Variants in EDRF1 observed in about 807,000 individuals in gnomAD.
The protein encoded by EDRF1 is erythroid differentiation regulatory factor 1, also known as erythroid differentiation-related factor 1.
Under a neutral mutation model 148.7 loss-of-function variants are expected in EDRF1, and 69 were observed. The observed-to-expected ratio is 0.46, with a 90% CI of 0.38 to 0.57. EDRF1 has a LOEUF of 0.57. Ranked by LOEUF, EDRF1 falls within the 20% of genes least tolerant of loss-of-function variation. EDRF1 has a pLI of 0.00. For missense variants in EDRF1, 1,118 were observed against 1,478.7 expected (o/e 0.76, Z 4.00); for synonymous variants, 515 against 532.8 (o/e 0.97, Z 0.46).
intron 23 of EDRF1, among the ~76,000 whole-genome samples, chr10:125,753,330 G>A (rs1339877058): frequency 1.3e-5 from 2 of 152,148 alleles, no homozygotes; most frequent in Non-Finnish European, 2.9e-5. Flanking sequence ...CGTTTTCTGG[G>A]CATTCCGGCA....
At position 125,738,395 on chromosome 10, in the gene EDRF1, G is replaced by C. The variant is rs1240726907; in HGVS notation, c.1931G>C (p.Arg644Thr). ...IPLKYEDESS[R>T]GGPEGLEKQM... ...TTAAAATATGAAGATGAATCCTCAA[G>C]AGGGGGTCCCGAGGGGCTAGAGAAG... Residue 644 changes from arginine to threonine, a missense_variant, in exon 15 of 25, where the codon AGA (arginine) becomes ACA (threonine). Around this residue, in one of 3 missense-constraint regions of EDRF1, gnomAD observed 954 missense variants for 1,241.4 expected, o/e 0.77. Transcript: ENST00000356792. The C allele has an allele frequency of 6.2e-7, 1 of 1,614,050 alleles. No homozygotes were observed. Among genetic ancestry groups the C allele is most frequent in the Non-Finnish European group, 8.5e-7 (1 of 1,180,016 alleles).
intron 18 of EDRF1, chr10:125,745,449 C>G: frequency 2.0e-6 from 1 of 511,824 alleles, no homozygotes; most frequent in Non-Finnish European, 3.5e-6. Flanking sequence ...ATCTTAATTA[C>G]GTCTTTAAAG....
At chr10:125,724,633 G>C (rs1238713241) in intron 4 of EDRF1, among the ~76,000 whole-genome samples, 1 of 152,194 alleles carries the variant, frequency 6.6e-6, no homozygotes, top group Non-Finnish European at 1.5e-5. Context: ...CATGGCTGTA[G>C]TTATTAGAAT....
intron 17 of EDRF1, chr10:125,742,106 G>A: frequency 1.4e-6 from 1 of 708,970 alleles, no homozygotes; most frequent in Non-Finnish European, 2.1e-6. Context: ...GGTGAAGGAG[G>A]TTAATTAACC....
intron 18 of EDRF1, among the ~76,000 whole-genome samples, chr10:125,744,382 C>T (rs995287491): frequency 7.2e-5 from 11 of 152,266 alleles, no homozygotes; most frequent in Non-Finnish European, 1.2e-4. Context: ...TGAAGTCTTG[C>T]TGGGTTGCCC....
intron 8 of EDRF1, 33 bp downstream of exon 8, chr10:125,729,512 T>C (rs769268666): frequency 1.2e-6 from 2 of 1,613,582 alleles, no homozygotes; most frequent in East Asian, 2.2e-5. Flanking sequence ...CTCAAGCTTA[T>C]GGTATTTAAA....
chr10:125,752,931 A>T lies in EDRF1; in HGVS notation c.3393+17A>T, dbSNP rs1280939754. 2 of 1,578,526 alleles carry T rather than the reference A, an allele frequency of 1.3e-6. No individual in the cohort carries two copies. Among genetic ancestry groups the T allele is most frequent in the Admixed American group, 3.3e-5 (2 of 59,956 alleles). ...TTTGGCCAGGTACATGGAGAAAATG[A>T]CTGTCTTTGGTTTTTGTGTGTCTTA... is the stretch of plus-strand genomic sequence containing the variant. On this transcript the variant is annotated intron_variant, in intron 23 of 24. Coordinates refer to ENST00000356792, the MANE Select transcript of EDRF1 (RefSeq NM_001202438.2).
chr10:125,743,290 T>C lies in EDRF1; in HGVS notation c.2590+14T>C. The C allele has an allele frequency of 1.2e-6, 2 of 1,600,516 alleles. No homozygotes were observed. The highest frequency in any genetic ancestry group is 1.7e-4 in the Middle Eastern group (1 of 5,968). ...GTGAGAGACTAGGTGAGTATCTCTT[T>C]AGATTCCTCTCTATTGCTTGTTCTC... On this transcript the variant is annotated intron_variant, in intron 18 of 24. Transcript: ENST00000356792.
At position 125,723,062 on chromosome 10, in the gene EDRF1, T is replaced by C. The variant is rs1848082806; in HGVS notation, c.318-6T>C. On this transcript the variant is annotated splice_polypyrimidine_tract_variant and splice_region_variant and intron_variant, in intron 2 of 24. Coordinates refer to ENST00000356792, the MANE Select transcript of EDRF1 (RefSeq NM_001202438.2). Reference sequence around the variant, plus strand: ...CATAACCTGTGTCCTTTTTTCTCTTTGGTAGCTTTGGCATGGCATATGACT... The same window carrying C: ...CATAACCTGTGTCCTTTTTTCTCTTCGGTAGCTTTGGCATGGCATATGACT... 1.2e-6 allele frequency: 2 copies of C among 1,613,130 alleles called. No homozygotes were observed. The highest frequency in any genetic ancestry group is 2.2e-5 in the South Asian group (2 of 91,076).
chr10:125,751,416 GT>G (rs1357538077), intron 22 of EDRF1, among the ~76,000 whole-genome samples: 46 of 108,348 alleles, frequency 4.2e-4, no homozygotes, highest in African/African-American at 1.5e-3. Context: ...TTTTTTTTTT[GT>G]TTTTTTTTTC....
chr10:125,752,160 GTAAACAAAGGCGT>G (rs1235847761), intron 22 of EDRF1: 1 of 152,658 alleles, frequency 6.6e-6, no homozygotes, highest in East Asian at 1.9e-4. Context: ...GGACCCCCAG[GTAAACAAAGGCGT>G]TCTTACCGGG....
chr10:125,722,255 A>G (rs1281872403), intron 2 of EDRF1, among the ~76,000 whole-genome samples: 5 of 152,240 alleles, frequency 3.3e-5, no homozygotes, highest in Admixed American at 2.0e-4. Flanking sequence ...GAATAATTAT[A>G]TTGACTCTAT....
At chr10:125,720,031 C>T in intron 1 of EDRF1, 116 bp downstream of exon 1, 2 of 898,922 alleles carry the variant, frequency 2.2e-6, no homozygotes, top group Admixed American at 2.5e-5. Context: ...GTTTCCCTGA[C>T]ACCCCCAAAA....
intron 24 of EDRF1, among the ~76,000 whole-genome samples, chr10:125,759,398 A>G (rs1268228674): frequency 2.6e-5 from 4 of 152,096 alleles, no homozygotes; most frequent in African/African-American, 9.7e-5. Flanking sequence ...AAGAGCCATG[A>G]CCTTGTAGTT....
At chr10:125,757,416 G>A (rs899997150) in intron 24 of EDRF1, among the ~76,000 whole-genome samples, 10 of 152,022 alleles carry the variant, frequency 6.6e-5, no homozygotes, top group African/African-American at 2.2e-4. Flanking sequence ...GTTATTATAC[G>A]TTTTACTTGT....
intron 24 of EDRF1, among the ~76,000 whole-genome samples, chr10:125,755,476 T>C (rs1008712658): frequency 1.3e-5 from 2 of 152,340 alleles, no homozygotes; most frequent in African/African-American, 4.8e-5. Context: ...AATGGGTTTG[T>C]GTGGTTTGGG....
chr10:125,760,455 A>G (rs867759460), intron 24 of EDRF1, among the ~76,000 whole-genome samples: 1 of 152,244 alleles, frequency 6.6e-6, no homozygotes, highest in Non-Finnish European at 1.5e-5. Context: ...TAAAGTTTTC[A>G]TGCATGACAC....
intron 24 of EDRF1, among the ~76,000 whole-genome samples, chr10:125,759,122 C>T (rs1850065963): frequency 6.6e-6 from 1 of 152,164 alleles, no homozygotes; most frequent in Admixed American, 6.5e-5. Flanking sequence ...AGGATTCTCA[C>T]TGGTCTTTTA....
intron 12 of EDRF1, 95 bp from the exon 13 acceptor site, chr10:125,735,549 G>A: frequency 8.1e-7 from 1 of 1,235,778 alleles, no homozygotes; most frequent in African/African-American, 1.5e-5. Context: ...AACAGCCTGT[G>A]TGCAGACCTC....
Sources: gnomAD v4.1 joint callset for allele counts (sites outside exome capture counted in the v4.1 genomes callset) on GRCh38, gnomAD v4.1.1 for gene constraint, gnomAD v4.1.1 regional missense constraint, MANE v1.5 for transcripts, NCBI Gene and HGNC (gene_info 2026-07-23, HGNC 2026-07-21) for gene names.